UBE2C: variants seen among roughly 807,000 people sequenced by gnomAD.
UBE2C encodes ubiquitin conjugating enzyme E2 C.
A neutral mutation model predicts 23.5 loss-of-function variants in UBE2C; 16 were observed. The observed-to-expected ratio is 0.68, with a 90% CI of 0.46 to 1.03. The LOEUF is 1.03. UBE2C is among the 50% of genes least tolerant of loss of function. The probability of loss-of-function intolerance (pLI) is 0.00; values close to 1 mark genes in which losing one functional copy is unlikely to be tolerated. For missense variants in UBE2C, 192 were observed against 227.6 expected (o/e 0.84, Z 1.01); for synonymous variants, 76 against 91.6 (o/e 0.83, Z 0.97).
intron 5 of UBE2C, 65 bp downstream of exon 5, chr20:45,815,978 A>G: frequency 6.4e-7 from 1 of 1,560,314 alleles, no homozygotes; most frequent in South Asian, 1.1e-5. Context: ...CCCTCAAACA[A>G]AAGGAGCCCA....
At chr20:45,815,331 C>A (rs1015248369) in intron 3 of UBE2C, 20 of 1,525,862 alleles carry the variant, frequency 1.3e-5, no homozygotes, top group Non-Finnish European at 1.8e-5. Flanking sequence ...CTGGCCTGGG[C>A]AACATGGTGA....
intron 3 of UBE2C, chr20:45,815,297 T>A: frequency 7.3e-7 from 1 of 1,367,656 alleles, no homozygotes; most frequent in African/African-American, 1.5e-5. Flanking sequence ...GGCAGGCAGA[T>A]CACATGAGCC....
rs750666481 is a variant in UBE2C, at chr20:45,815,865, G to GAT, written c.435_436dup (p.Ser146IlefsTer4). 6.2e-7 allele frequency: 1 copy of GAT among 1,614,038 alleles called. No homozygotes were observed. Among genetic ancestry groups the GAT allele is most frequent in the Non-Finnish European group, 8.5e-7 (1 of 1,180,008 alleles). ...CTCTCCACCCACAGAACCCAACATT[G>GAT]ATAGTCCCTTGAACACACATGCTGC... On this transcript the variant is annotated frameshift_variant, in exon 5 of 6. Transcript: ENST00000356455. LOFTEE classifies it high-confidence loss of function.
In UBE2C at chr20:45,814,440, G is replaced by A; in HGVS notation, c.186G>A (p.Trp62Ter). Residue 62 changes from tryptophan (W) to a stop codon, truncating the protein, a stop_gained, in exon 3 of 6, where the codon TGG (tryptophan) becomes TGA (stop). Coordinates refer to ENST00000356455, the MANE Select transcript of UBE2C (RefSeq NM_007019.4). LOFTEE classifies it high-confidence loss of function. ...AFPESDNLFKWVGTIHGAAGT... is the reference protein window; with the variant it reads ...AFPESDNLFK ...CTGAATCAGACAACCTTTTCAAATGGGTAGGGACCATCCATGGAGCAGCTG... is the reference window on the plus strand; with the variant it reads ...CTGAATCAGACAACCTTTTCAAATGAGTAGGGACCATCCATGGAGCAGCTG... The A allele has an allele frequency of 6.2e-7, 1 of 1,611,148 alleles. No individual in the cohort carries two copies. Among genetic ancestry groups the A allele is most frequent in the Non-Finnish European group, 8.5e-7 (1 of 1,178,564 alleles).
Position 45,814,473 on chromosome 20 carries a change from A to G in UBE2C, c.216+3A>G, listed in dbSNP as rs1217830374. 6.2e-7 allele frequency: 1 copy of G among 1,605,778 alleles called. No individual in the cohort carries two copies. Among genetic ancestry groups the G allele is most frequent in the Non-Finnish European group, 8.5e-7 (1 of 1,175,216 alleles). ...CCATCCATGGAGCAGCTGGAACAGT[A>G]AGTGTAGGGCTGGGATGGGTGAGTG... On this transcript the variant is annotated splice_donor_region_variant and intron_variant, in intron 3 of 5. Transcript: ENST00000356455.
At chr20:45,814,925 G>C (rs548917647) in intron 3 of UBE2C, among the ~76,000 whole-genome samples, 35 of 130,006 alleles carry the variant, frequency 2.7e-4, no homozygotes, top group Non-Finnish European at 5.2e-4. Flanking sequence ...TGCAAGCTCC[G>C]CTTCCCGGGT....
At chr20:45,812,827 C>T (rs1405417498) in intron 1 of UBE2C, 31 bp downstream of exon 1, 1 of 1,541,772 alleles carries the variant, frequency 6.5e-7, no homozygotes, top group South Asian at 1.2e-5. Flanking sequence ...CTCGCCGGGC[C>T]TGCCATGCCC....
At chr20:45,812,953 C>T (rs1289893347) in intron 1 of UBE2C, 157 bp downstream of exon 1, 9 of 1,434,184 alleles carry the variant, frequency 6.3e-6, no homozygotes, top group Non-Finnish European at 8.2e-6. Context: ...TGGCATTCCC[C>T]TGGGCATGGG....
chr20:45,814,269 A>G (rs1711194), intron 2 of UBE2C, 115 bp from the exon 3 acceptor site: 339,344 of 399,494 alleles, frequency 0.85, 146,602 homozygotes, highest in South Asian at 0.9. Context: ...TGTGTATGTG[A>G]GCATATATAT....
In UBE2C at chr20:45,812,760, C is replaced by G. The variant is rs2145712147; in HGVS notation, c.65C>G (p.Pro22Arg). 1.3e-6 allele frequency: 2 copies of G among 1,557,514 alleles called. No individual in the cohort carries two copies. Among genetic ancestry groups the G allele is most frequent in the Non-Finnish European group, 1.7e-6 (2 of 1,150,626 alleles). ...SVAAARKGAEPSGGAARGPVG... is the reference protein window; with the variant it reads ...SVAAARKGAERSGGAARGPVG... Reference sequence around the variant, plus strand: ...GCCGCCGCCCGTAAAGGAGCTGAGCCGAGCGGGGGCGCCGCCCGGGGTCCG... The same window carrying G: ...GCCGCCGCCCGTAAAGGAGCTGAGCGGAGCGGGGGCGCCGCCCGGGGTCCG... Residue 22 changes from proline (P) to arginine (R), a missense_variant, in exon 1 of 6, where the codon CCG (proline) becomes CGG (arginine). Coordinates refer to ENST00000356455, the MANE Select transcript of UBE2C (RefSeq NM_007019.4).
chr20:45,813,053 T>C, intron 1 of UBE2C: 2 of 1,413,532 alleles, frequency 1.4e-6, no homozygotes, highest in Non-Finnish European at 1.8e-6. Context: ...AGACCGCTCT[T>C]TGAGACTCTC....
intron 2 of UBE2C, 68 bp downstream of exon 2, chr20:45,813,532 G>A (rs1369389585): frequency 2.5e-6 from 4 of 1,608,556 alleles, no homozygotes; most frequent in Non-Finnish European, 3.4e-6. Flanking sequence ...TTTTCCGTCA[G>A]CTTTTTTGCT....
Position 45,815,723 on chromosome 20 carries a change from C to T in UBE2C, c.399C>T (p.Leu133=), listed in dbSNP as rs1982470637. The T allele has an allele frequency of 6.2e-6, 10 of 1,613,992 alleles. No individual in the cohort carries two copies. The highest frequency in any genetic ancestry group is 2.2e-5 in the East Asian group (1 of 44,880). ...SALYDVRTIL[L]SIQSLLGEPN... ...TGTATGATGTCAGGACCATTCTGCT[C>T]TCCATCCAGAGCCTTCTAGGAGGTG... The change falls in exon 4 of 6, where the codon CTC becomes CTT. Residue 133 remains leucine, a synonymous_variant. Coordinates refer to ENST00000356455, the MANE Select transcript of UBE2C (RefSeq NM_007019.4).
chr20:45,814,598 C>T lies in UBE2C; in HGVS notation c.216+128C>T, dbSNP rs1982310993. 7.8e-6 allele frequency: 5 copies of T among 644,566 alleles called. No individual in the cohort carries two copies. The East Asian group carries it at 1.7e-4, about 22-fold the overall frequency. 39.9% of individuals were successfully genotyped at this position (644,566 alleles called of 1,614,324 possible). On this transcript the variant is annotated intron_variant, in intron 3 of 5. Coordinates refer to ENST00000356455, the MANE Select transcript of UBE2C (RefSeq NM_007019.4). ...CCTGTGACTGTTTACATTCTCTGAG[C>T]CATGTGGCCTTGTTCTTTCCCTCTG...
At chr20:45,815,219 G>A (rs554376429) in intron 3 of UBE2C, among the ~76,000 whole-genome samples, 3 of 152,164 alleles carry the variant, frequency 2.0e-5, no homozygotes, top group Admixed American at 6.5e-5. Context: ...GTCTCCACCA[G>A]ATAAGAGGAA....
intron 2 of UBE2C, 89 bp downstream of exon 2, chr20:45,813,553 G>T: frequency 1.3e-6 from 2 of 1,571,644 alleles, no homozygotes; most frequent in Admixed American, 1.7e-5. Flanking sequence ...AGACATAGGG[G>T]TAATGTAATT....
At chr20:45,815,265 T>G in intron 3 of UBE2C, 1 of 942,742 alleles carries the variant, frequency 1.1e-6, no homozygotes, top group Non-Finnish European at 1.6e-6. Context: ...ACACCTGTAA[T>G]CTCAGCACTT....
chr20:45,812,922 A>G (rs1025523933), intron 1 of UBE2C, 126 bp downstream of exon 1: 1 of 1,438,278 alleles, frequency 7.0e-7, no homozygotes, highest in African/African-American at 1.4e-5. Flanking sequence ...GTGCAGGAGA[A>G]CACACCAGGA....
chr20:45,812,764 C>G lies in UBE2C; in HGVS notation c.69C>G (p.Ser23Arg), dbSNP rs11537645. Residue 23 changes from serine to arginine, a missense_variant, in exon 1 of 6, where the codon AGC becomes AGG. Ser to Arg is a moderately radical substitution (Grantham distance 110). Coordinates refer to ENST00000356455, the MANE Select transcript of UBE2C (RefSeq NM_007019.4). The part of the protein sequence containing the change: ...VAAARKGAEP[S>R]GGAARGPVGK... ...CCGCCCGTAAAGGAGCTGAGCCGAG[C>G]GGGGGCGCCGCCCGGGGTCCGGTGG... The G allele has an allele frequency of 0.013, 19,769 of 1,557,368 alleles. 596 individuals carry two copies. The highest frequency in any genetic ancestry group is 0.094 in the East Asian group (3,924 of 41,670).
Sources: gnomAD v4.1 joint callset for allele counts (sites outside exome capture counted in the v4.1 genomes callset) on GRCh38, gnomAD v4.1.1 for gene constraint, MANE v1.5 for transcripts, NCBI Gene and HGNC (gene_info 2026-07-23, HGNC 2026-07-21) for gene names.